VWA3B: variants seen among roughly 807,000 people sequenced by gnomAD.
The protein encoded by VWA3B is von Willebrand factor A domain-containing protein 3B.
In VWA3B, 138 loss-of-function variants were observed where a neutral mutation model predicts 158.3. That is an observed-to-expected ratio of 0.87 (90% CI 0.76 to 1.00). VWA3B has a LOEUF of 1.00. Among genes scored for constraint, VWA3B ranks in the 50% least tolerant of loss-of-function variants. The probability of loss-of-function intolerance (pLI) is 0.00; values close to 1 mark genes in which losing one functional copy is unlikely to be tolerated. For missense variants in VWA3B, 1,555 were observed against 1,565.1 expected, an observed-to-expected ratio of 0.99 and a Z score of 0.11; for synonymous variants, 596 against 587.3, an observed-to-expected ratio of 1.01 and a Z score of -0.21.
the VWA3B span, among the ~76,000 whole-genome samples, chr2:98,326,022 A>G: frequency 6.6e-6 from 1 of 152,240 alleles, no homozygotes; most frequent in African/African-American, 2.4e-5. Context: ...TGAAAAGCCA[A>G]TAACAATAAA....
Position 98,270,707 on chromosome 2 carries a change from T to C in VWA3B, c.2869T>C (p.Tyr957His). The change falls in exon 22 of 28, where the codon TAC (tyrosine) becomes CAC (histidine). Residue 957 changes from tyrosine to histidine, a missense_variant. Coordinates refer to ENST00000477737, the MANE Select transcript of VWA3B (RefSeq NM_144992.5). ...EKLDANKPIQ[Y>H]LENKTVLNQA... ...GTTAGATGCAAACAAACCAATACAG[T>C]ACTTGGAAAACAAAACAGTTTTAAA... The C allele has an allele frequency of 6.2e-6, 10 of 1,614,138 alleles. No individual in the cohort carries two copies. Among genetic ancestry groups the C allele is most frequent in the Non-Finnish European group, 8.5e-6 (10 of 1,179,964 alleles).
chr2:98,147,247 A>C (rs1187110107), intron 7 of VWA3B, among the ~76,000 whole-genome samples: 1 of 152,182 alleles, frequency 6.6e-6, no homozygotes, highest in Non-Finnish European at 1.5e-5. Context: ...TGCTTGGTGC[A>C]TGCATACATT....
intron 20 of VWA3B, among the ~76,000 whole-genome samples, chr2:98,253,559 A>T (rs532769173): frequency 1.3e-5 from 2 of 152,282 alleles, no homozygotes; most frequent in South Asian, 4.1e-4. Flanking sequence ...TCTAAGGTCA[A>T]GGTCACAGCT....
intron 26 of VWA3B, among the ~76,000 whole-genome samples, chr2:98,305,471 A>T (rs1202922324): frequency 6.6e-6 from 1 of 152,194 alleles, no homozygotes; most frequent in Non-Finnish European, 1.5e-5. Flanking sequence ...AGTGATGTGA[A>T]GATTGGGGAC....
At chr2:98,207,592 C>T in intron 12 of VWA3B, 1 of 507,380 alleles carries the variant, frequency 2.0e-6, no homozygotes, top group South Asian at 1.4e-5. Flanking sequence ...GAAGTCAGTA[C>T]TCCTGAAGGA....
At chr2:98,268,069 G>A (rs912885646) in intron 21 of VWA3B, among the ~76,000 whole-genome samples, 14 of 151,718 alleles carry the variant, frequency 9.2e-5, no homozygotes, top group African/African-American at 2.9e-4. Context: ...ACCAAAAAGA[G>A]TCCAGGACCA....
chr2:98,130,853 C>T (rs1675810794), intron 6 of VWA3B, among the ~76,000 whole-genome samples: 1 of 152,214 alleles, frequency 6.6e-6, no homozygotes, highest in Admixed American at 6.5e-5. Context: ...TATTCTGTTG[C>T]ATGCATAGCA....
intron 10 of VWA3B, among the ~76,000 whole-genome samples, chr2:98,190,609 C>T (rs1239479202): frequency 1.3e-5 from 2 of 152,028 alleles, no homozygotes; most frequent in East Asian, 3.9e-4. Flanking sequence ...CCTTTATTTT[C>T]GAATGATGTG....
chr2:98,263,975 G>A (rs1245797383), intron 21 of VWA3B, among the ~76,000 whole-genome samples: 3 of 151,872 alleles, frequency 2.0e-5, no homozygotes, highest in Admixed American at 6.6e-5. Flanking sequence ...TAGGCGGTAT[G>A]TTTCTAGGAA....
At chr2:98,092,523 A>G (rs1251930044) in intron 1 of VWA3B, among the ~76,000 whole-genome samples, 4 of 152,056 alleles carry the variant, frequency 2.6e-5, no homozygotes, top group East Asian at 3.9e-4. Flanking sequence ...CGCGCCTGTA[A>G]TCCCAGCTAC....
At chr2:98,256,675 A>G (rs910935991) in intron 21 of VWA3B, among the ~76,000 whole-genome samples, 1 of 152,140 alleles carries the variant, frequency 6.6e-6, no homozygotes, top group Non-Finnish European at 1.5e-5. Flanking sequence ...CTTTGTGGAC[A>G]TATGTTTTCA....
At chr2:98,098,423 T>TTTTTTTTTTTTTTTTTTTTTTTTTG (rs1682859466) in intron 2 of VWA3B, among the ~76,000 whole-genome samples, 1 of 152,142 alleles carries the variant, frequency 6.6e-6, no homozygotes, top group African/African-American at 2.4e-5. Flanking sequence ...TTGAAATTTT[T>TTTTTTTTTTTTTTTTTTTTTTTTTG]ATACCCTCTT....
intron 14 of VWA3B, among the ~76,000 whole-genome samples, chr2:98,219,433 A>C (rs1425757751): frequency 6.6e-6 from 1 of 152,222 alleles, no homozygotes; most frequent in East Asian, 1.9e-4. Flanking sequence ...AATAAAAAAA[A>C]CAAAAACAAA....
intron 22 of VWA3B, among the ~76,000 whole-genome samples, chr2:98,280,645 A>G (rs1688821431): frequency 6.6e-6 from 1 of 152,134 alleles, no homozygotes; most frequent in Admixed American, 6.5e-5. Context: ...GCGCCTGGAG[A>G]GGGAGGTGGA....
intron 13 of VWA3B, 29 bp downstream of exon 13, chr2:98,212,057 G>A (rs779389109): frequency 4.4e-6 from 7 of 1,596,610 alleles, no homozygotes; most frequent in Non-Finnish European, 6.0e-6. Flanking sequence ...AACAAAGAGG[G>A]CCTCACTGAT....
chr2:98,169,717 G>C (rs1307772292), intron 8 of VWA3B, among the ~76,000 whole-genome samples: 1 of 28,572 alleles, frequency 3.5e-5, no homozygotes, highest in Non-Finnish European at 6.1e-5. Flanking sequence ...TGGGCATTCT[G>C]TGTGTGTGTG....
At chr2:98,166,799 TACAC>T (rs58860649) in intron 8 of VWA3B, among the ~76,000 whole-genome samples, 13 of 145,928 alleles carry the variant, frequency 8.9e-5, no homozygotes, top group Non-Finnish European at 1.5e-4. Flanking sequence ...TTTAATCTAA[TACAC>T]ACACACACAC....
chr2:98,107,640 C>G (rs1433436725), intron 2 of VWA3B, among the ~76,000 whole-genome samples: 1 of 151,966 alleles, frequency 6.6e-6, no homozygotes, highest in Non-Finnish European at 1.5e-5. Flanking sequence ...TCATTTCATC[C>G]AAGTTGTCTA....
chr2:98,133,745 G>C, intron 6 of VWA3B, 79 bp from the exon 7 acceptor site: 1 of 1,248,888 alleles, frequency 8.0e-7, no homozygotes, highest in East Asian at 2.3e-5. Context: ...CGAAGAGCAC[G>C]TTCAGTCCCA....
Sources: allele counts gnomAD v4.1 joint callset (sites outside exome capture counted in the v4.1 genomes callset), GRCh38; gene constraint gnomAD v4.1.1; transcripts MANE v1.5; gene names NCBI Gene and HGNC (gene_info 2026-07-23, HGNC 2026-07-21).